TMEM135: variants seen among roughly 807,000 people sequenced by gnomAD.
TMEM135 encodes the protein transmembrane protein 135, also known as peroxisomal membrane protein 52.
A neutral mutation model predicts 60.3 loss-of-function variants in TMEM135; 30 were observed. The observed-to-expected ratio is 0.50, with a 90% CI of 0.37 to 0.68. TMEM135 has a LOEUF of 0.68. Among genes scored for constraint, TMEM135 ranks in the 30% least tolerant of loss-of-function variants. The probability of loss-of-function intolerance (pLI) is 0.00; values close to 1 mark genes in which losing one functional copy is unlikely to be tolerated. For missense variants in TMEM135, 468 were observed against 548.8 expected, an observed-to-expected ratio of 0.85 and a Z score of 1.47; for synonymous variants, 190 against 186.7, an observed-to-expected ratio of 1.02 and a Z score of -0.14.
At chr11:87,287,672 T>C (rs1591170789) in intron 6 of TMEM135, among the ~76,000 whole-genome samples, 1 of 152,188 alleles carries the variant, frequency 6.6e-6, no homozygotes, top group South Asian at 2.1e-4. Context: ...TGAGACTGCG[T>C]CTCATAAATT....
At chr11:87,177,225 C>T (rs1342262103) in intron 5 of TMEM135, among the ~76,000 whole-genome samples, 2 of 152,118 alleles carry the variant, frequency 1.3e-5, no homozygotes, top group Non-Finnish European at 2.9e-5. Flanking sequence ...CTAATCCATC[C>T]TACCTACATC....
chr11:87,322,672 T>G lies in TMEM135; in HGVS notation c.*1339T>G. On this transcript the variant is annotated 3_prime_UTR_variant, in exon 15 of 15. Coordinates refer to ENST00000305494, the MANE Select transcript of TMEM135 (RefSeq NM_022918.4). ...AGTAGAACTTGTGTTGCAAAAGGAA[T>G]TATAACCCATACTTTAAAAATGCTT... The G allele has an allele frequency of 2.2e-6, 1 of 453,998 alleles. No individual in the cohort carries two copies. The allele number at this position is 453,998 out of a possible 1,614,324, so 28.1% of individuals were successfully genotyped here. A position where few individuals can be genotyped will look rare whatever the true frequency, so the allele number is the denominator to read the frequency against.
chr11:87,249,382 G>C (rs1282918066), intron 6 of TMEM135, among the ~76,000 whole-genome samples: 1 of 151,962 alleles, frequency 6.6e-6, no homozygotes, highest in Non-Finnish European at 1.5e-5. Flanking sequence ...TTTATATGAT[G>C]TATCACATTG....
chr11:87,154,987 T>TTTTATTTATTTA lies in TMEM135; in HGVS notation c.397-2337_397-2326dup, dbSNP rs201665936. Among the ~76,000 whole-genome samples the TTTTATTTATTTA allele has an allele frequency of 1.1e-3, 132 of 122,330 alleles. 1 individual carries two copies. Among genetic ancestry groups the TTTTATTTATTTA allele is most frequent in the Middle Eastern group, 4.4e-3 (1 of 226 alleles). The allele number at this position is 122,330 out of a possible 152,430, so 80.3% of individuals were successfully genotyped here. A position where few individuals can be genotyped will look rare whatever the true frequency, so the allele number is the denominator to read the frequency against. ...GTTTTTAATTTTTGGTGAAATCCAG[T>TTTTATTTATTTA]TTTATTTATTTATTTATTTATTTAT... On this transcript the variant is annotated intron_variant, in intron 4 of 14. Transcript: ENST00000305494.
chr11:87,295,738 C>T (rs1349103735), intron 6 of TMEM135, 44 bp from the exon 7 acceptor site: 1 of 1,534,220 alleles, frequency 6.5e-7, no homozygotes, highest in South Asian at 1.2e-5. Context: ...GTACTTGTAT[C>T]TCAAAATATG....
intron 6 of TMEM135, among the ~76,000 whole-genome samples, chr11:87,282,055 G>A (rs565124573): frequency 6.6e-6 from 1 of 152,330 alleles, no homozygotes; most frequent in Non-Finnish European, 1.5e-5. Context: ...AAGTTGCAGA[G>A]ATTGTTGGGC....
intron 6 of TMEM135, among the ~76,000 whole-genome samples, chr11:87,290,254 C>T (rs923431107): frequency 6.6e-6 from 1 of 151,352 alleles, no homozygotes; most frequent in East Asian, 1.9e-4. Flanking sequence ...TGGTGCCAAA[C>T]AATGGGGTTT....
At chr11:87,137,821 T>C (rs961083915) in intron 4 of TMEM135, among the ~76,000 whole-genome samples, 3 of 152,154 alleles carry the variant, frequency 2.0e-5, no homozygotes, top group African/African-American at 7.2e-5. Context: ...TCATGTCACA[T>C]TGGGTAAAAC....
intron 1 of TMEM135, among the ~76,000 whole-genome samples, chr11:87,043,961 A>T (rs1376652826): frequency 6.6e-6 from 1 of 152,096 alleles, no homozygotes; most frequent in Non-Finnish European, 1.5e-5. Context: ...TTTCTTTAGG[A>T]CCTCTAGATT....
chr11:87,123,924 C>T (rs1201140945), intron 4 of TMEM135, among the ~76,000 whole-genome samples: 1 of 152,154 alleles, frequency 6.6e-6, no homozygotes, highest in East Asian at 1.9e-4. Flanking sequence ...TTTACTTGCT[C>T]AAGCTTACAT....
At chr11:87,285,376 G>A (rs931338551) in intron 6 of TMEM135, among the ~76,000 whole-genome samples, 6 of 152,184 alleles carry the variant, frequency 3.9e-5, no homozygotes, top group African/African-American at 1.2e-4. Flanking sequence ...CGCGGTGAGT[G>A]TTACAGTTCT....
intron 6 of TMEM135, among the ~76,000 whole-genome samples, chr11:87,240,496 C>G (rs1248589345): frequency 6.6e-6 from 1 of 151,146 alleles, no homozygotes; most frequent in Non-Finnish European, 1.5e-5. Flanking sequence ...CATAATTTTT[C>G]ATTCAGGATT....
intron 5 of TMEM135, among the ~76,000 whole-genome samples, chr11:87,170,183 C>T (rs1939194615): frequency 6.6e-6 from 1 of 152,094 alleles, no homozygotes; most frequent in Admixed American, 6.6e-5. Context: ...TTAGCAATTC[C>T]TCTAACCTTT....
rs56802824 is a variant in TMEM135 at position 87,268,255 on chromosome 11, A to ATATTTATTTATT, written c.510-27497_510-27486dup. Among the ~76,000 whole-genome samples, 783 of 136,872 alleles carry ATATTTATTTATT rather than the reference A, an allele frequency of 5.7e-3. 7 individuals carry two copies. Among genetic ancestry groups the ATATTTATTTATT allele is most frequent in the Non-Finnish European group, 6.9e-3 (441 of 63,520 alleles). The allele number at this position is 136,872 out of a possible 152,430, so 89.8% of individuals were successfully genotyped here. On this transcript the variant is annotated intron_variant, in intron 6 of 14. Transcript: ENST00000305494. ...AGGCAGGCACCCTCACCACACCTAG[A>ATATTTATTTATT]TATTTATTTATTTATTTATTTATTT...
Position 87,139,943 on chromosome 11 carries a change from A to AT in TMEM135, c.397-17392dup, listed in dbSNP as rs1354521886. Among the ~76,000 whole-genome samples, 27 of 152,120 alleles carry AT rather than the reference A, an allele frequency of 1.8e-4. 1 individual carries two copies. The South Asian group carries it at 2.1e-3, about 12-fold the overall frequency. ...CTGTTGAAATCTTTTGATCATTTCAATTTTTTGGGTTGTGTAGCTTATTTT... is the reference window on the plus strand; with the variant it reads ...CTGTTGAAATCTTTTGATCATTTCAATTTTTTTGGGTTGTGTAGCTTATTTT... On this transcript the variant is annotated intron_variant, in intron 4 of 14. Transcript: ENST00000305494.
At chr11:87,125,981 C>G (rs1937714465) in intron 4 of TMEM135, among the ~76,000 whole-genome samples, 1 of 152,136 alleles carries the variant, frequency 6.6e-6, no homozygotes, top group African/African-American at 2.4e-5. Flanking sequence ...GGAACATATA[C>G]CTTTTATTTC....
At chr11:87,211,302 A>G (rs61905618) in intron 5 of TMEM135, among the ~76,000 whole-genome samples, 18 of 152,222 alleles carry the variant, frequency 1.2e-4, no homozygotes, top group Admixed American at 2.0e-4. Context: ...CCCTTATACA[A>G]CTTCATACTT....
chr11:87,209,482 C>G (rs1484162298), intron 5 of TMEM135, among the ~76,000 whole-genome samples: 2 of 152,142 alleles, frequency 1.3e-5, no homozygotes, highest in Non-Finnish European at 2.9e-5. Context: ...AGAGCTCAAT[C>G]TAACAAGAAA....
At chr11:87,180,576 C>G (rs1315613574) in intron 5 of TMEM135, among the ~76,000 whole-genome samples, 1 of 152,078 alleles carries the variant, frequency 6.6e-6, no homozygotes, top group East Asian at 1.9e-4. Flanking sequence ...ATGTGTGGAA[C>G]TTTTTCAAGG....
Sources: allele counts gnomAD v4.1 joint callset (sites outside exome capture counted in the v4.1 genomes callset), GRCh38; gene constraint gnomAD v4.1.1; transcripts MANE v1.5; gene names NCBI Gene and HGNC (gene_info 2026-07-23, HGNC 2026-07-21).